SEMA3A: variants seen among roughly 807,000 people sequenced by gnomAD.
SEMA3A encodes semaphorin-3A.
Under a neutral mutation model 97.9 loss-of-function variants are expected in SEMA3A, and 29 were observed. The observed-to-expected ratio is 0.30, with a 90% CI of 0.22 to 0.40. SEMA3A has a LOEUF of 0.40. Among genes scored for constraint, SEMA3A ranks in the 10% least tolerant of loss-of-function variants. SEMA3A has a pLI of 1.00. For missense variants in SEMA3A, 763 were observed against 951.3 expected, an observed-to-expected ratio of 0.80 and a Z score of 2.60; for synonymous variants, 321 against 323.7, an observed-to-expected ratio of 0.99 and a Z score of 0.09.
intron 1 of SEMA3A, among the ~76,000 whole-genome samples, chr7:84,401,621 A>G (rs1803906837): frequency 6.6e-6 from 1 of 152,190 alleles, no homozygotes; most frequent in Non-Finnish European, 1.5e-5. Flanking sequence ...CTGCAAAGCT[A>G]TAGTAATGAA....
At chr7:84,160,223 GTCTATCTATCTATCTATCTATCTA>G (rs61107978) in intron 1 of SEMA3A, among the ~76,000 whole-genome samples, 2,230 of 149,480 alleles carry the variant, frequency 0.015, 23 homozygotes, top group South Asian at 0.032. Flanking sequence ...CTATCAATCT[GTCTATCTATCTATCTATCTATCTA>G]TCTATCTATC....
chr7:84,414,973 A>G (rs149925323), intron 1 of SEMA3A, among the ~76,000 whole-genome samples: 2 of 152,184 alleles, frequency 1.3e-5, no homozygotes, highest in East Asian at 1.9e-4. Context: ...TAAAAAATAA[A>G]TACATCTAAA....
At chr7:84,088,573 A>G (rs998946536) in intron 4 of SEMA3A, among the ~76,000 whole-genome samples, 1 of 152,190 alleles carries the variant, frequency 6.6e-6, no homozygotes, top group African/African-American at 2.4e-5. Context: ...CATTATCATA[A>G]TATTGTAAAA....
At chr7:84,123,174 C>T (rs1795679556) in intron 3 of SEMA3A, among the ~76,000 whole-genome samples, 2 of 152,094 alleles carry the variant, frequency 1.3e-5, no homozygotes, top group African/African-American at 4.8e-5. Context: ...ATGTATTCAG[C>T]TTTCATTTGC....
intron 4 of SEMA3A, among the ~76,000 whole-genome samples, chr7:84,109,440 A>G (rs1583980319): frequency 6.6e-6 from 1 of 152,198 alleles, no homozygotes; most frequent in East Asian, 1.9e-4. Flanking sequence ...AGAAGAAAAA[A>G]TAAGTGTGTT....
At chr7:83,993,658 G>T (rs1790065854) in intron 12 of SEMA3A, among the ~76,000 whole-genome samples, 1 of 125,540 alleles carries the variant, frequency 8.0e-6, no homozygotes, top group East Asian at 2.4e-4. Context: ...CTCTCTTCTG[G>T]CTTGTAGGGT....
chr7:84,130,213 T>G (rs1795924403), intron 2 of SEMA3A, among the ~76,000 whole-genome samples: 1 of 152,120 alleles, frequency 6.6e-6, no homozygotes, highest in Non-Finnish European at 1.5e-5. Context: ...CTGGAAAGCT[T>G]TTAGCCTAAA....
At chr7:84,108,073 T>C (rs1795161570) in intron 4 of SEMA3A, among the ~76,000 whole-genome samples, 2 of 152,126 alleles carry the variant, frequency 1.3e-5, no homozygotes, top group African/African-American at 2.4e-5. Context: ...AGGTATAGAC[T>C]TGCATTTTAA....
chr7:84,167,059 G>GATCACACATGCAAATGA (rs1354124831), intron 1 of SEMA3A, among the ~76,000 whole-genome samples: 7 of 148,464 alleles, frequency 4.7e-5, no homozygotes, highest in East Asian at 4.0e-4. Context: ...TCAGATTTTT[G>GATCACACATGCAAATGA]CAGTCCTACA....
At chr7:84,365,439 G>C (rs1225438313) in intron 2 of SEMA3A, among the ~76,000 whole-genome samples, 1 of 151,458 alleles carries the variant, frequency 6.6e-6, no homozygotes, top group Non-Finnish European at 1.5e-5. Flanking sequence ...TACTTGTTCA[G>C]TGTCACAGAG....
intron 4 of SEMA3A, among the ~76,000 whole-genome samples, chr7:84,075,176 C>CT (rs201373532): frequency 0.019 from 2,682 of 139,720 alleles, 73 homozygotes; most frequent in African/African-American, 0.06. Flanking sequence ...TTGACTTCAA[C>CT]TTTTTTTTTT....
At chr7:84,158,878 G>A (rs1269780642) in intron 1 of SEMA3A, among the ~76,000 whole-genome samples, 1 of 149,582 alleles carries the variant, frequency 6.7e-6, no homozygotes, top group Non-Finnish European at 1.5e-5. Context: ...AAAATTTGTA[G>A]ATTTTCTTTA....
At chr7:84,038,110 A>G (rs1303298325) in intron 6 of SEMA3A, among the ~76,000 whole-genome samples, 1 of 152,196 alleles carries the variant, frequency 6.6e-6, no homozygotes, top group African/African-American at 2.4e-5. Flanking sequence ...CACTAAGCTT[A>G]GAAAAATGCT....
intron 1 of SEMA3A, among the ~76,000 whole-genome samples, chr7:84,409,509 C>G (rs948637861): frequency 6.6e-6 from 1 of 151,856 alleles, no homozygotes; most frequent in Non-Finnish European, 1.5e-5. Context: ...GTTTTTAGAT[C>G]AAGACATGAG....
At chr7:84,407,070 G>T (rs951672639) in intron 1 of SEMA3A, among the ~76,000 whole-genome samples, 1 of 152,122 alleles carries the variant, frequency 6.6e-6, no homozygotes. Context: ...GCAGGAGAAG[G>T]AAATAAAGGG....
intron 1 of SEMA3A, among the ~76,000 whole-genome samples, chr7:84,476,614 T>C (rs1806289587): frequency 6.6e-6 from 1 of 152,136 alleles, no homozygotes; most frequent in South Asian, 2.1e-4. Context: ...ACTGAATGTA[T>C]TGTGTTGCTA....
intron 3 of SEMA3A, among the ~76,000 whole-genome samples, chr7:84,228,394 T>C (rs1413225410): frequency 6.6e-6 from 1 of 152,122 alleles, no homozygotes; most frequent in Non-Finnish European, 1.5e-5. Context: ...TTTAATAAAA[T>C]GTTACCTCAT....
At chr7:84,219,719 G>A (rs1260262000) in intron 3 of SEMA3A, among the ~76,000 whole-genome samples, 2 of 152,186 alleles carry the variant, frequency 1.3e-5, no homozygotes, top group African/African-American at 4.8e-5. Context: ...CTGTTGTTTA[G>A]TGTAGTTACC....
chr7:84,377,233 T>C (rs1228859), intron 1 of SEMA3A, among the ~76,000 whole-genome samples: 29,840 of 148,498 alleles, frequency 0.2, 3,114 homozygotes, highest in African/African-American at 0.25. Context: ...ATCTTTCTGC[T>C]TGTGGATATC....
Sources: allele counts gnomAD v4.1 joint callset (sites outside exome capture counted in the v4.1 genomes callset), GRCh38; gene constraint gnomAD v4.1.1; transcripts MANE v1.5; gene names NCBI Gene and HGNC (gene_info 2026-07-23, HGNC 2026-07-21).